Variants in BCL2 observed in about 807,000 individuals in gnomAD.
The protein encoded by BCL2 is apoptosis regulator Bcl-2.
A neutral mutation model predicts 14.2 loss-of-function variants in BCL2; 1 was observed. The observed-to-expected ratio is 0.07, with a 90% CI of 0.02 to 0.33. The LOEUF (loss-of-function observed/expected upper bound fraction) is 0.33. Among genes scored for constraint, BCL2 ranks in the 10% least tolerant of loss-of-function variants. BCL2 has a pLI of 0.99. For missense variants in BCL2, 247 were observed against 305.9 expected (o/e 0.81, Z 1.44); for synonymous variants, 151 against 137.2 (o/e 1.10, Z -0.70).
rs567857667 is a variant in BCL2, at chr18:63,232,098, A to G, written c.585+85984T>C. Among the ~76,000 whole-genome samples the G allele has an allele frequency of 4.6e-5, 7 of 152,230 alleles. No homozygotes were observed. In the East Asian group the frequency reaches 1.3e-3, roughly 29 times the overall value. ...AACTAAACTAATAGGTGGTTCGCAGACAACTGTTACCCATATGGAGAAAAA... is the reference window on the plus strand; with the variant it reads ...AACTAAACTAATAGGTGGTTCGCAGGCAACTGTTACCCATATGGAGAAAAA... On this transcript the variant is annotated intron_variant, in intron 2 of 2. Coordinates refer to ENST00000333681, the MANE Select transcript of BCL2 (RefSeq NM_000633.3).
intron 2 of BCL2, among the ~76,000 whole-genome samples, chr18:63,141,743 A>G (rs1914368681): frequency 6.6e-6 from 1 of 152,080 alleles, no homozygotes; most frequent in South Asian, 2.1e-4. Context: ...TCTCCTCCCC[A>G]CCCCACGCCA....
At chr18:63,138,690 G>A (rs1245242982) in intron 2 of BCL2, among the ~76,000 whole-genome samples, 4 of 152,206 alleles carry the variant, frequency 2.6e-5, no homozygotes, top group African/African-American at 4.8e-5. Flanking sequence ...GTTGAAACAT[G>A]GGCCAATGAC....
At chr18:63,213,368 G>A (rs1039305068) in intron 2 of BCL2, among the ~76,000 whole-genome samples, 1 of 152,062 alleles carries the variant, frequency 6.6e-6, no homozygotes, top group Non-Finnish European at 1.5e-5. Flanking sequence ...TATCACCAAT[G>A]TAGGTCCTCA....
At chr18:63,147,105 G>C (rs993030552) in intron 2 of BCL2, among the ~76,000 whole-genome samples, 1 of 152,186 alleles carries the variant, frequency 6.6e-6, no homozygotes, top group African/African-American at 2.4e-5. Context: ...AAGCTGGTCT[G>C]TTCTGATGTC....
At chr18:63,202,714 T>G (rs768579925) in intron 2 of BCL2, among the ~76,000 whole-genome samples, 5 of 152,244 alleles carry the variant, frequency 3.3e-5, no homozygotes, top group Non-Finnish European at 5.9e-5. Flanking sequence ...CTCTCTTTGA[T>G]GTTTAGAGGT....
chr18:63,169,332 C>CTTT (rs1555697348), intron 2 of BCL2, among the ~76,000 whole-genome samples: 2,378 of 34,544 alleles, frequency 0.069, 141 homozygotes, highest in South Asian at 0.13. Flanking sequence ...TCTTTCCTTT[C>CTTT]CTTCCTTTCT....
chr18:63,170,324 G>T (rs560250311), intron 2 of BCL2, among the ~76,000 whole-genome samples: 2 of 152,178 alleles, frequency 1.3e-5, no homozygotes, highest in South Asian at 4.2e-4. Context: ...CTAGAAACTT[G>T]GGTTTTCAAT....
At position 63,291,857 on chromosome 18, in the gene BCL2, C is replaced by T. The variant is rs554438774; in HGVS notation, c.585+26225G>A. Among the ~76,000 whole-genome samples, 3 of 151,666 alleles carry T rather than the reference C, an allele frequency of 2.0e-5. No individual in the cohort carries two copies. The South Asian group carries it at 6.2e-4, about 32-fold the overall frequency. On this transcript the variant is annotated intron_variant, in intron 2 of 2. Coordinates refer to ENST00000333681, the MANE Select transcript of BCL2 (RefSeq NM_000633.3). ...CTAGCTTATGTCTCTCTTTCCTATTCTTAGAATCCTAAACAAAGAAATGAA... is the reference window on the plus strand; with the variant it reads ...CTAGCTTATGTCTCTCTTTCCTATTTTTAGAATCCTAAACAAAGAAATGAA...
In BCL2 at chr18:63,318,030, G is replaced by A. The variant is rs1913552574; in HGVS notation, c.585+52C>T. On this transcript the variant is annotated intron_variant, in intron 2 of 2. Transcript: ENST00000333681. This position sits in a 1 kb window ranked among gnomAD's most constrained non-coding sequence, Gnocchi z 7.4. Reference sequence around the variant, plus strand: ...GGAGCCCACCCGCACTCCAACCCCCGCATCTCGGACCTGTGGCCTCAGCCC... The same window carrying A: ...GGAGCCCACCCGCACTCCAACCCCCACATCTCGGACCTGTGGCCTCAGCCC... 2 of 1,586,922 alleles carry A rather than the reference G, an allele frequency of 1.3e-6. No individual in the cohort carries two copies. Among genetic ancestry groups the A allele is most frequent in the East Asian group, 2.3e-5 (1 of 44,170 alleles).
Position 63,304,193 on chromosome 18 carries a change from C to T in BCL2, c.585+13889G>A, listed in dbSNP as rs144943916. Among the ~76,000 whole-genome samples the T allele has an allele frequency of 1.5e-4, 23 of 152,280 alleles. No homozygotes were observed. The East Asian group carries it at 4.4e-3, about 29-fold the overall frequency. On this transcript the variant is annotated intron_variant, in intron 2 of 2. Transcript: ENST00000333681. ...TTAAGTTGTTTACTTTTCTGACTTC[C>T]TCACAATGTGGGATTCACAAGAGAT...
At chr18:63,191,323 T>G (rs1238891439) in intron 2 of BCL2, among the ~76,000 whole-genome samples, 1 of 152,210 alleles carries the variant, frequency 6.6e-6, no homozygotes, top group Non-Finnish European at 1.5e-5. Flanking sequence ...CCACCAACAG[T>G]GTAAAAGCAT....
chr18:63,234,327 G>C (rs1910764252), intron 2 of BCL2, among the ~76,000 whole-genome samples: 1 of 152,152 alleles, frequency 6.6e-6, no homozygotes, highest in Admixed American at 6.5e-5. Flanking sequence ...ACTTATAAGT[G>C]AGAACATGCA....
At chr18:63,174,388 T>TC (rs1915300053) in intron 2 of BCL2, among the ~76,000 whole-genome samples, 2 of 152,158 alleles carry the variant, frequency 1.3e-5, no homozygotes, top group South Asian at 4.1e-4. Context: ...GTTTTTTTTT[T>TC]CTTCTCTGCT....
At position 63,292,222 on chromosome 18, in the gene BCL2, CAAAAAAA is replaced by C. The variant is rs749093257; in HGVS notation, c.585+25853_585+25859del. 5.7e-4 allele frequency among the ~76,000 whole-genome samples: 32 copies of C among 56,454 alleles called. 1 individual carries two copies. Among genetic ancestry groups the C allele is most frequent in the African/African-American group, 1.6e-3 (29 of 17,584 alleles). The allele number at this position is 56,454 out of a possible 152,430, so 37.0% of individuals were successfully genotyped here. A position where few individuals can be genotyped will look rare whatever the true frequency, so the allele number is the denominator to read the frequency against. On this transcript the variant is annotated intron_variant, in intron 2 of 2. Coordinates refer to ENST00000333681, the MANE Select transcript of BCL2 (RefSeq NM_000633.3). ...CTCCTAGCCCCAGCCAACCCCAGTG[CAAAAAAA>C]AAAAAAAAAAAAAATCATGCCCAAT...
chr18:63,169,382 TC>T (rs1915162417), intron 2 of BCL2, among the ~76,000 whole-genome samples: 1 of 120,828 alleles, frequency 8.3e-6, no homozygotes, highest in African/African-American at 4.3e-5. Flanking sequence ...TTTCTTTCTT[TC>T]TTTCTTTTTC....
chr18:63,247,720 G>C (rs1312048437), intron 2 of BCL2, among the ~76,000 whole-genome samples: 1 of 152,092 alleles, frequency 6.6e-6, no homozygotes, highest in Non-Finnish European at 1.5e-5. Context: ...GAGAGGTCAG[G>C]AGTGAGGGAT....
chr18:63,297,217 A>T (rs1912823643), intron 2 of BCL2, among the ~76,000 whole-genome samples: 1 of 152,194 alleles, frequency 6.6e-6, no homozygotes, highest in Non-Finnish European at 1.5e-5. Context: ...TGTCTCAAAA[A>T]AAAAAGAAAG....
Position 63,199,309 on chromosome 18 carries a change from C to T in BCL2, c.586-70550G>A, listed in dbSNP as rs567833146. On this transcript the variant is annotated intron_variant, in intron 2 of 2. Transcript: ENST00000333681. The stretch of plus-strand genomic sequence containing the variant: ...ACATGCACAGACACAGAGACACACA[C>T]ATATACTACACAACATGCACACACA... Among the ~76,000 whole-genome samples, 154 of 150,178 alleles carry T rather than the reference C, an allele frequency of 1.0e-3. 1 individual carries two copies. The highest frequency in any genetic ancestry group is 3.7e-3 in the African/African-American group (150 of 40,876).
chr18:63,302,469 C>T lies in BCL2; in HGVS notation c.585+15613G>A, dbSNP rs1305624434. The T allele has an allele frequency of 7.1e-6, 7 of 985,266 alleles. No individual in the cohort carries two copies. The Admixed American group carries it at 1.8e-4, about 26-fold the overall frequency. 61.0% of individuals were successfully genotyped at this position (985,266 alleles called of 1,614,324 possible). A position where few individuals can be genotyped will look rare whatever the true frequency, so the allele number is the denominator to read the frequency against. The stretch of plus-strand genomic sequence containing the variant: ...CTCTGCCCGAATAATAATTTCCCTT[C>T]CTTTTTGGCTTCCTTATGAAATACC... On this transcript the variant is annotated intron_variant, in intron 2 of 2. Coordinates refer to ENST00000333681, the MANE Select transcript of BCL2 (RefSeq NM_000633.3).
Sources: gnomAD v4.1 joint callset for allele counts (sites outside exome capture counted in the v4.1 genomes callset) on GRCh38, gnomAD v4.1.1 for gene constraint, Gnocchi (gnomAD v3.1) non-coding constraint, MANE v1.5 for transcripts, NCBI Gene and HGNC (gene_info 2026-07-23, HGNC 2026-07-21) for gene names.